The following EFNA4 variants were observed in gnomAD, a reference collection of about 807,000 sequenced individuals.
EFNA4 encodes ephrin A4.
A neutral mutation model predicts 23.7 loss-of-function variants in EFNA4; 22 were observed. The ratio of observed to expected loss-of-function variants is 0.93; its 90% CI spans 0.66 to 1.32. The LOEUF is 1.32. Ranked by LOEUF, EFNA4 falls within the 40% of genes most tolerant of loss-of-function variation. The probability of loss-of-function intolerance (pLI) is 0.00; values close to 1 mark genes in which losing one functional copy is unlikely to be tolerated. For synonymous variants in EFNA4, 113 were observed against 108.3 expected, an observed-to-expected ratio of 1.04 and a Z score of -0.27; for missense variants, 252 against 252.3, an observed-to-expected ratio of 1.00 and a Z score of 0.01.
At chr1:155,068,276 T>G (rs1663098211) in intron 3 of EFNA4, among the ~76,000 whole-genome samples, 1 of 123,140 alleles carries the variant, frequency 8.1e-6, no homozygotes, top group Non-Finnish European at 1.7e-5. Context: ...TTTTTTTTTT[T>G]GAGACAGAGT....
intron 1 of EFNA4, among the ~76,000 whole-genome samples, chr1:155,066,130 A>G (rs1663039322): frequency 6.6e-6 from 1 of 152,012 alleles, no homozygotes; most frequent in Admixed American, 6.6e-5. Flanking sequence ...CGGCCTCCCA[A>G]AGTGCTGGGA....
In EFNA4 at chr1:155,063,993, C is replaced by G; in HGVS notation, c.113+57C>G. Reference sequence around the variant, plus strand: ...CAAGTCTGCGCGCTCCCGGGCTTTGCGCGCGCCCGCCACCCGCTCTTTGCG... The same window carrying G: ...CAAGTCTGCGCGCTCCCGGGCTTTGGGCGCGCCCGCCACCCGCTCTTTGCG... On this transcript the variant is annotated intron_variant, in intron 1 of 3. Coordinates refer to ENST00000368409, the MANE Select transcript of EFNA4 (RefSeq NM_005227.3). This position sits in a 1 kb window ranked among gnomAD's most constrained non-coding sequence, Gnocchi z 4.1. 1 of 1,403,968 alleles carries G rather than the reference C, an allele frequency of 7.1e-7. No individual in the cohort carries two copies. Among genetic ancestry groups the G allele is most frequent in the Non-Finnish European group, 9.5e-7 (1 of 1,055,754 alleles). 87.0% of individuals were successfully genotyped at this position (1,403,968 alleles called of 1,614,324 possible). A position where few individuals can be genotyped will look rare whatever the true frequency, so the allele number is the denominator to read the frequency against.
chr1:155,063,821 G>T lies in EFNA4; in HGVS notation c.-3G>T. On this transcript the variant is annotated 5_prime_UTR_variant, in exon 1 of 4. Transcript: ENST00000368409. The surrounding 1 kb of genome is among the most constrained non-coding windows in gnomAD (Gnocchi z 4.1). The stretch of plus-strand genomic sequence containing the variant: ...GGCCAGACCAAACCGGACCTCGGGG[G>T]CGATGCGGCTGCTGCCCCTGCTGCG... 23 of 1,522,398 alleles carry T rather than the reference G, an allele frequency of 1.5e-5. No individual in the cohort carries two copies. Among genetic ancestry groups the T allele is most frequent in the Non-Finnish European group, 2.0e-5 (23 of 1,136,168 alleles). 94.3% of individuals were successfully genotyped at this position (1,522,398 alleles called of 1,614,324 possible).
intron 3 of EFNA4, among the ~76,000 whole-genome samples, chr1:155,067,708 G>A (rs1663085125): frequency 1.3e-5 from 2 of 150,546 alleles, no homozygotes; most frequent in African/African-American, 4.9e-5. Context: ...TGCAAGCTCC[G>A]CCTCTCTGGT....
chr1:155,068,461 T>TTTTTTTTC (rs1553267674), intron 3 of EFNA4, among the ~76,000 whole-genome samples: 1 of 135,530 alleles, frequency 7.4e-6, no homozygotes, highest in Non-Finnish European at 1.5e-5. Context: ...TTTTTTTTTT[T>TTTTTTTTC]AGTAGAGACA....
intron 2 of EFNA4, 60 bp from the exon 3 acceptor site, chr1:155,067,312 C>T: frequency 6.3e-7 from 1 of 1,584,480 alleles, no homozygotes; most frequent in Non-Finnish European, 8.7e-7. Context: ...CTGAAACAGT[C>T]TGAGGCATAC....
intron 1 of EFNA4, among the ~76,000 whole-genome samples, chr1:155,065,736 ATTTATTTATTTT>A (rs1238774046): frequency 1.5e-4 from 13 of 83,896 alleles, no homozygotes; most frequent in Non-Finnish European, 3.0e-4. Flanking sequence ...TTATTTATTT[ATTTATTTATTTT>A]TTGAGATGGA....
intron 1 of EFNA4, among the ~76,000 whole-genome samples, chr1:155,064,716 T>G (rs1165015727): frequency 6.6e-6 from 1 of 152,210 alleles, no homozygotes; most frequent in East Asian, 1.9e-4. Context: ...TTCCTATCTG[T>G]TTTTCTTTCT....
chr1:155,069,195 G>C lies in EFNA4; in HGVS notation c.*206G>C. The C allele has an allele frequency of 6.3e-7, 1 of 1,582,754 alleles. No homozygotes were observed. The highest frequency in any genetic ancestry group is 2.2e-5 in the East Asian group (1 of 44,568). ...CTAAAGAAGAGCAGTAGACAGCCCT[G>C]GACACTCTGAAGCAGAGGCAAGACA... On this transcript the variant is annotated 3_prime_UTR_variant, in exon 4 of 4. Coordinates refer to ENST00000368409, the MANE Select transcript of EFNA4 (RefSeq NM_005227.3).
chr1:155,068,159 C>T (rs962174986), intron 3 of EFNA4, among the ~76,000 whole-genome samples: 10 of 152,000 alleles, frequency 6.6e-5, no homozygotes, highest in South Asian at 2.1e-4. Context: ...CCTGTGTTGC[C>T]CAGGCTGGTC....
chr1:155,068,422 A>G (rs1161278491), intron 3 of EFNA4, among the ~76,000 whole-genome samples: 1 of 91,274 alleles, frequency 1.1e-5, no homozygotes, highest in African/African-American at 4.0e-5. Context: ...TGTGCCACCC[A>G]GCTGATTTTT....
Position 155,069,119 on chromosome 1 carries a change from G to T in EFNA4, c.*130G>T, listed in dbSNP as rs552355758. On this transcript the variant is annotated 3_prime_UTR_variant, in exon 4 of 4. Transcript: ENST00000368409. ...GACAAGATGGAGCATTGATGGGGGA[G>T]ATCAGAGGGTCTGAGGTGACTCTTG... is the stretch of plus-strand genomic sequence containing the variant. 6.2e-7 allele frequency: 1 copy of T among 1,611,222 alleles called. No homozygotes were observed. Among genetic ancestry groups the T allele is most frequent in the African/African-American group, 1.3e-5 (1 of 74,772 alleles).
chr1:155,067,128 G>C (rs1663072207), intron 2 of EFNA4, 112 bp downstream of exon 2: 2 of 1,338,112 alleles, frequency 1.5e-6, no homozygotes, highest in African/African-American at 2.9e-5. Flanking sequence ...ATCGGGTTGA[G>C]GTATGGGCTG....
chr1:155,068,304 G>T (rs1309527393), intron 3 of EFNA4, among the ~76,000 whole-genome samples: 2 of 148,502 alleles, frequency 1.3e-5, no homozygotes, highest in South Asian at 4.3e-4. Context: ...TCGCTCTGTC[G>T]CCCAGGGCTG....
chr1:155,066,819 A>G lies in EFNA4; in HGVS notation c.203A>G (p.Glu68Gly). ...CACTACGAAGGCCCAGGGCCCCCTG[A>G]GGGCCCCGAGACGTTTGCTTTGTAC... ...CPHYEGPGPP[E>G]GPETFALYMV... The change falls in exon 2 of 4, where the codon GAG becomes GGG. Residue 68 changes from glutamate to glycine, a missense_variant. Transcript: ENST00000368409. 1.9e-6 allele frequency: 3 copies of G among 1,613,906 alleles called. No individual in the cohort carries two copies. In the South Asian group the frequency reaches 3.3e-5, roughly 18 times the overall value.
intron 3 of EFNA4, among the ~76,000 whole-genome samples, chr1:155,067,836 T>G (rs1663089570): frequency 6.6e-6 from 1 of 152,106 alleles, no homozygotes; most frequent in Non-Finnish European, 1.5e-5. Flanking sequence ...TTAGCCAGGA[T>G]GGTCTCGATC....
intron 1 of EFNA4, among the ~76,000 whole-genome samples, chr1:155,065,802 G>A (rs530659507): frequency 4.0e-5 from 6 of 150,802 alleles, no homozygotes; most frequent in African/African-American, 1.5e-4. Flanking sequence ...GCGCAATCTC[G>A]GCTCACTGCA....
Position 155,066,107 on chromosome 1 carries a change from G to A in EFNA4, c.114-623G>A, listed in dbSNP as rs189845981. ...TGGTCTTGAACTCCTGGCCTCAAGC[G>A]ATCCTCCCACCTCGGCCTCCCAAAG... is the stretch of plus-strand genomic sequence containing the variant. On this transcript the variant is annotated intron_variant, in intron 1 of 3. Transcript: ENST00000368409. Among the ~76,000 whole-genome samples, 262 of 152,150 alleles carry A rather than the reference G, an allele frequency of 1.7e-3. 1 individual carries two copies. Among genetic ancestry groups the A allele is most frequent in the Non-Finnish European group, 2.5e-3 (168 of 67,986 alleles).
In EFNA4 at chr1:155,066,893, G is replaced by A; in HGVS notation, c.277G>A (p.Ala93Thr). The change falls in exon 2 of 4, where the codon GCC becomes ACC. Residue 93 changes from alanine to threonine, a missense_variant. By Grantham distance (58) the Ala-to-Thr change is moderately conservative. Coordinates refer to ENST00000368409, the MANE Select transcript of EFNA4 (RefSeq NM_005227.3). ...YESCQAEGPR[A>T]YKRWVCSLPF... ...GTCCTGCCAGGCAGAGGGCCCCCGG[G>A]CCTACAAGCGCTGGGTGTGCTCCCT... 6.2e-7 allele frequency: 1 copy of A among 1,614,164 alleles called. No homozygotes were observed. Among genetic ancestry groups the A allele is most frequent in the Non-Finnish European group, 8.5e-7 (1 of 1,180,038 alleles).
Sources: allele counts gnomAD v4.1 joint callset (sites outside exome capture counted in the v4.1 genomes callset), GRCh38; gene constraint gnomAD v4.1.1; non-coding constraint Gnocchi (gnomAD v3.1); transcripts MANE v1.5; gene names NCBI Gene and HGNC (gene_info 2026-07-23, HGNC 2026-07-21).